AFF3: variants seen among roughly 807,000 people sequenced by gnomAD.
AFF3 encodes AF4/FMR2 family member 3.
Under a neutral mutation model 129.7 loss-of-function variants are expected in AFF3, and 32 were observed. The ratio of observed to expected loss-of-function variants is 0.25; its 90% CI spans 0.19 to 0.33. AFF3 has a LOEUF of 0.33. Among genes scored for constraint, AFF3 ranks in the 10% least tolerant of loss-of-function variants. The pLI, the probability that AFF3 is intolerant of heterozygous loss-of-function variation, is 1.00. For synonymous variants in AFF3, 644 were observed against 635.4 expected (o/e 1.01, Z -0.20); for missense variants, 1,373 against 1,592.0 (o/e 0.86, Z 2.34).
intron 7 of AFF3, among the ~76,000 whole-genome samples, chr2:99,921,536 G>A (rs758927546): frequency 3.3e-5 from 5 of 152,134 alleles, no homozygotes; most frequent in Non-Finnish European, 5.9e-5. Context: ...CCATGGTCAT[G>A]TAAAATGTTA....
At chr2:100,126,950 G>A (rs1692217938) in intron 2 of AFF3, among the ~76,000 whole-genome samples, 1 of 152,196 alleles carries the variant, frequency 6.6e-6, no homozygotes, top group African/African-American at 2.4e-5. Context: ...GTCTAAGATG[G>A]AAACAGTGCT....
At chr2:99,643,960 T>C (rs1406953819) in intron 13 of AFF3, among the ~76,000 whole-genome samples, 1 of 152,236 alleles carries the variant, frequency 6.6e-6, no homozygotes, top group Non-Finnish European at 1.5e-5. Context: ...TTGTGAGTCC[T>C]TTCTCCTTGC....
chr2:99,969,317 C>T (rs1678106866), intron 7 of AFF3, among the ~76,000 whole-genome samples: 1 of 152,182 alleles, frequency 6.6e-6, no homozygotes, highest in Admixed American at 6.5e-5. Context: ...AACGTACTCA[C>T]TGGTATGAAG....
At chr2:99,591,896 A>G (rs1269150163) in intron 15 of AFF3, among the ~76,000 whole-genome samples, 2 of 152,158 alleles carry the variant, frequency 1.3e-5, no homozygotes, top group Non-Finnish European at 2.9e-5. Context: ...GTATGACAAT[A>G]TTTGCCTCAT....
chr2:99,818,348 G>A (rs974859301), intron 8 of AFF3, among the ~76,000 whole-genome samples: 2 of 152,088 alleles, frequency 1.3e-5, no homozygotes, highest in African/African-American at 2.4e-5. Flanking sequence ...ATCATTTCCC[G>A]ACAGAAATGT....
rs543213179 is a variant in AFF3 at position 99,988,032 on chromosome 2, G to A, written c.873+18600C>T. 2.3e-3 allele frequency among the ~76,000 whole-genome samples: 353 copies of A among 152,206 alleles called. 2 individuals are homozygous for A. The highest frequency in any genetic ancestry group is 8.1e-3 in the African/African-American group (335 of 41,518). On this transcript the variant is annotated intron_variant, in intron 7 of 24. Transcript: ENST00000672756. Reference sequence around the variant, plus strand: ...GAGCATGCCAGCCCTCCAGGAGCACGCAGAACAATAAAAGAGGCAGCTATG... The same window carrying A: ...GAGCATGCCAGCCCTCCAGGAGCACACAGAACAATAAAAGAGGCAGCTATG...
intron 4 of AFF3, among the ~76,000 whole-genome samples, chr2:100,077,857 C>G (rs1688704013): frequency 6.6e-6 from 1 of 151,850 alleles, no homozygotes; most frequent in South Asian, 2.1e-4. Context: ...CTAATTTTAT[C>G]CAAGAGGGAA....
intron 7 of AFF3, among the ~76,000 whole-genome samples, chr2:99,892,322 T>G (rs1196214729): frequency 6.6e-6 from 1 of 152,236 alleles, no homozygotes; most frequent in Non-Finnish European, 1.5e-5. Context: ...GAAAATAATA[T>G]GTAGCTTAGA....
chr2:99,969,318 T>C (rs1262552726), intron 7 of AFF3, among the ~76,000 whole-genome samples: 4 of 152,214 alleles, frequency 2.6e-5, no homozygotes, highest in Non-Finnish European at 4.4e-5. Flanking sequence ...ACGTACTCAC[T>C]GGTATGAAGA....
At chr2:99,998,887 T>A (rs908757633) in intron 7 of AFF3, among the ~76,000 whole-genome samples, 1 of 152,204 alleles carries the variant, frequency 6.6e-6, no homozygotes, top group East Asian at 1.9e-4. Flanking sequence ...CTAAGAACTC[T>A]GCATATTTTA....
At chr2:99,751,992 A>G (rs1346089087) in intron 9 of AFF3, among the ~76,000 whole-genome samples, 1 of 152,254 alleles carries the variant, frequency 6.6e-6, no homozygotes, top group African/African-American at 2.4e-5. Context: ...AATGATAATT[A>G]CAGTAGTATC....
chr2:99,823,737 G>C (rs1051669867), intron 8 of AFF3, among the ~76,000 whole-genome samples: 1 of 152,178 alleles, frequency 6.6e-6, no homozygotes, highest in Non-Finnish European at 1.5e-5. Flanking sequence ...GAAAGAAAAC[G>C]TGGCACGTGT....
intron 13 of AFF3, among the ~76,000 whole-genome samples, chr2:99,638,141 T>C (rs969878687): frequency 5.9e-5 from 9 of 151,840 alleles, no homozygotes; most frequent in Non-Finnish European, 1.3e-4. Flanking sequence ...TGGCATGCTC[T>C]TGGCTCACTG....
At chr2:100,037,268 A>G (rs902472625) in intron 4 of AFF3, among the ~76,000 whole-genome samples, 1 of 151,318 alleles carries the variant, frequency 6.6e-6, no homozygotes, top group Non-Finnish European at 1.5e-5. Context: ...TATGGTATTT[A>G]ATAATAGATG....
intron 11 of AFF3, among the ~76,000 whole-genome samples, chr2:99,683,935 C>T (rs1216575388): frequency 6.6e-6 from 1 of 152,114 alleles, no homozygotes; most frequent in Non-Finnish European, 1.5e-5. Context: ...CAATCCCGGC[C>T]CTTTTATTTT....
chr2:100,108,149 C>T (rs1490389452), intron 2 of AFF3, among the ~76,000 whole-genome samples: 10 of 151,682 alleles, frequency 6.6e-5, no homozygotes, highest in Non-Finnish European at 1.5e-4. Context: ...CTTCTCCTTC[C>T]AGAGGCTTCT....
At chr2:100,009,478 G>A (rs528755540) in intron 4 of AFF3, among the ~76,000 whole-genome samples, 2 of 152,160 alleles carry the variant, frequency 1.3e-5, no homozygotes, top group Admixed American at 6.5e-5. Flanking sequence ...GTCGTCAAAC[G>A]ACTACTGAAT....
At chr2:99,945,243 A>C (rs1263159949) in intron 7 of AFF3, among the ~76,000 whole-genome samples, 1 of 152,262 alleles carries the variant, frequency 6.6e-6, no homozygotes, top group Non-Finnish European at 1.5e-5. Flanking sequence ...CTTTACACAC[A>C]GAATTAGCAA....
rs968620051 is a variant in AFF3, at chr2:100,066,282, T to C, written c.53+38120A>G. Among the ~76,000 whole-genome samples, 6 of 152,220 alleles carry C rather than the reference T, an allele frequency of 3.9e-5. No individual in the cohort carries two copies. The East Asian group carries it at 1.2e-3, about 29-fold the overall frequency. On this transcript the variant is annotated intron_variant, in intron 4 of 24. Transcript: ENST00000672756. ...GAATTCTAAAACTTCCATATGACAT[T>C]AAGCTATAAAATAGTACTGAATCAA...
Sources: gnomAD v4.1 joint callset for allele counts (sites outside exome capture counted in the v4.1 genomes callset) on GRCh38, gnomAD v4.1.1 for gene constraint, MANE v1.5 for transcripts, NCBI Gene and HGNC (gene_info 2026-07-23, HGNC 2026-07-21) for gene names.